ESRRG: variants seen among roughly 807,000 people sequenced by gnomAD.
The protein encoded by ESRRG is estrogen-related receptor gamma.
A neutral mutation model predicts 44.0 loss-of-function variants in ESRRG; 13 were observed. The ratio of observed to expected loss-of-function variants is 0.30; its 90% confidence interval spans 0.19 to 0.47. The LOEUF is 0.47. Among genes scored for constraint, ESRRG ranks in the 20% least tolerant of loss-of-function variants. The probability of loss-of-function intolerance (pLI) is 1.00; values close to 1 mark genes in which losing one functional copy is unlikely to be tolerated. For synonymous variants in ESRRG, 215 were observed against 214.6 expected, an observed-to-expected ratio of 1.00 and a Z score of -0.02; for missense variants, 395 against 580.6, an observed-to-expected ratio of 0.68 and a Z score of 3.29.
At chr1:216,871,905 G>A (rs1448892369) in intron 2 of ESRRG, among the ~76,000 whole-genome samples, 1 of 151,938 alleles carries the variant, frequency 6.6e-6, no homozygotes, top group Admixed American at 6.6e-5. Flanking sequence ...TTCTTTTGCT[G>A]TTCTTTCATC....
chr1:217,050,196 T>C, intron 1 of ESRRG, among the ~76,000 whole-genome samples: 1 of 152,014 alleles, frequency 6.6e-6, no homozygotes, highest in East Asian at 1.9e-4. Context: ...ATATTTGAGC[T>C]GGGGGGGTGA....
chr1:216,593,279 T>C (rs940571651), intron 3 of ESRRG, among the ~76,000 whole-genome samples: 4 of 152,198 alleles, frequency 2.6e-5, no homozygotes, highest in African/African-American at 9.7e-5. Context: ...TGTTTTCTTT[T>C]TAAAGAAGAG....
At chr1:216,988,590 G>A (rs531327993) in intron 1 of ESRRG, among the ~76,000 whole-genome samples, 1 of 152,208 alleles carries the variant, frequency 6.6e-6, no homozygotes, top group African/African-American at 2.4e-5. Flanking sequence ...GATTTACTGG[G>A]TTCTGATATG....
intron 2 of ESRRG, among the ~76,000 whole-genome samples, chr1:216,873,442 C>T (rs1036360480): frequency 1.3e-5 from 2 of 151,978 alleles, no homozygotes; most frequent in African/African-American, 4.8e-5. Context: ...GAACTCCTGA[C>T]CTCAGGTGAT....
At chr1:217,128,342 AG>A (rs1282466746) in intron 1 of ESRRG, among the ~76,000 whole-genome samples, 3 of 152,204 alleles carry the variant, frequency 2.0e-5, no homozygotes, top group Non-Finnish European at 4.4e-5. Flanking sequence ...TCTTTTATTA[AG>A]TTTTGTCTTA....
At chr1:216,796,915 G>A (rs182383077) in intron 2 of ESRRG, among the ~76,000 whole-genome samples, 228 of 152,064 alleles carry the variant, frequency 1.5e-3, no homozygotes, top group African/African-American at 5.2e-3. Context: ...TTTTTTAGAT[G>A]CAGTCTCACC....
At chr1:217,054,422 A>T (rs1230903483) in intron 1 of ESRRG, among the ~76,000 whole-genome samples, 2 of 152,170 alleles carry the variant, frequency 1.3e-5, no homozygotes, top group Non-Finnish European at 2.9e-5. Flanking sequence ...GGAAATGTCC[A>T]CGTGAGGTTT....
intron 3 of ESRRG, among the ~76,000 whole-genome samples, chr1:216,582,451 T>C (rs1298601728): frequency 1.3e-5 from 2 of 151,578 alleles, no homozygotes; most frequent in African/African-American, 4.9e-5. Flanking sequence ...AATTCTTTTC[T>C]TTTTTTTTGA....
intron 1 of ESRRG, among the ~76,000 whole-genome samples, chr1:217,120,464 CAA>C (rs35939406): frequency 7.5e-5 from 10 of 134,218 alleles, no homozygotes; most frequent in Admixed American, 2.3e-4. Flanking sequence ...TGAACTCTTC[CAA>C]AAAAAAAAAA....
intron 1 of ESRRG, chr1:217,000,707 C>T (rs114651909): frequency 7.9e-5 from 12 of 152,142 alleles, no homozygotes; most frequent in Non-Finnish European, 1.3e-4. Context: ...AGTGAAGGAC[C>T]GTGTAGCAAC....
intron 1 of ESRRG, among the ~76,000 whole-genome samples, chr1:216,988,890 A>G (rs915031071): frequency 6.6e-6 from 1 of 152,200 alleles, no homozygotes; most frequent in African/African-American, 2.4e-5. Context: ...GCCTAAAGAA[A>G]ATGAAAGGGC....
chr1:217,042,469 CACAA>C (rs1372398687), intron 1 of ESRRG, among the ~76,000 whole-genome samples: 6 of 106,076 alleles, frequency 5.7e-5, no homozygotes, highest in African/African-American at 1.2e-4. Flanking sequence ...CACATACACA[CACAA>C]ACACACACAC....
At chr1:216,970,277 C>A (rs2071370511) in intron 1 of ESRRG, among the ~76,000 whole-genome samples, 1 of 152,126 alleles carries the variant, frequency 6.6e-6, no homozygotes, top group South Asian at 2.1e-4. Context: ...AAATGATAAA[C>A]CAATTTGAAT....
chr1:216,651,058 A>G lies in ESRRG; in HGVS notation c.504T>C (p.Asn168=), dbSNP rs780859127. ...GTCTGCGCTTTGTGATTTCACATTC[A>G]TTCGTGGCAGGGCAGCTGTATTCTA... The part of the protein sequence containing the change: ...GNIEYSCPAT[N]ECEITKRRRK... Residue 168 remains asparagine, a synonymous_variant, in exon 3 of 7, where the codon AAT becomes AAC. Coordinates refer to ENST00000408911, the MANE Select transcript of ESRRG (RefSeq NM_001438.4). 1.9e-6 allele frequency: 3 copies of G among 1,613,026 alleles called. No individual in the cohort carries two copies. The highest frequency in any genetic ancestry group is 2.5e-6 in the Non-Finnish European group (3 of 1,179,098).
At chr1:216,824,741 T>C (rs1032651204) in intron 2 of ESRRG, among the ~76,000 whole-genome samples, 1 of 152,200 alleles carries the variant, frequency 6.6e-6, no homozygotes, top group Non-Finnish European at 1.5e-5. Flanking sequence ...CATTAGCATA[T>C]GCTCCTCACA....
chr1:217,064,227 A>G (rs2089205242), intron 1 of ESRRG, among the ~76,000 whole-genome samples: 2 of 151,982 alleles, frequency 1.3e-5, no homozygotes, highest in South Asian at 4.1e-4. Flanking sequence ...TATGTACATT[A>G]CACACATATG....
At chr1:216,571,884 G>T (rs556775895) in intron 3 of ESRRG, among the ~76,000 whole-genome samples, 1 of 151,990 alleles carries the variant, frequency 6.6e-6, no homozygotes, top group African/African-American at 2.4e-5. Flanking sequence ...AGTAAAAATT[G>T]ACAGGGACTC....
chr1:216,697,123 G>C (rs1014747135), intron 1 of ESRRG, among the ~76,000 whole-genome samples: 4 of 151,908 alleles, frequency 2.6e-5, no homozygotes. Flanking sequence ...GCACCACCAT[G>C]CCTGGCTAAT....
chr1:217,014,462 A>G (rs2079062569), intron 1 of ESRRG, among the ~76,000 whole-genome samples: 1 of 152,190 alleles, frequency 6.6e-6, no homozygotes, highest in Non-Finnish European at 1.5e-5. Flanking sequence ...ATATGGATTC[A>G]TAACTTTTTT....
Sources: gnomAD v4.1 joint callset for allele counts (sites outside exome capture counted in the v4.1 genomes callset) on GRCh38, gnomAD v4.1.1 for gene constraint, MANE v1.5 for transcripts, NCBI Gene and HGNC (gene_info 2026-07-23, HGNC 2026-07-21) for gene names.